MDGA1: variants seen among roughly 807,000 people sequenced by gnomAD.
MDGA1 encodes the protein MAM domain-containing glycosylphosphatidylinositol anchor protein 1.
Under a neutral mutation model 101.5 loss-of-function variants are expected in MDGA1, and 54 were observed. The observed-to-expected ratio is 0.53, with a 90% confidence interval of 0.43 to 0.67. The LOEUF (loss-of-function observed/expected upper bound fraction) is 0.67. Ranked by LOEUF, MDGA1 falls within the 30% of genes least tolerant of loss-of-function variation. The pLI is 0.00. For missense variants in MDGA1, 1,083 were observed against 1,323.8 expected, an observed-to-expected ratio of 0.82 and a Z score of 2.82; for synonymous variants, 533 against 558.3, an observed-to-expected ratio of 0.95 and a Z score of 0.64.
At chr6:37,693,692 G>C (rs897036244) in intron 1 of MDGA1, among the ~76,000 whole-genome samples, 11 of 152,224 alleles carry the variant, frequency 7.2e-5, no homozygotes, top group African/African-American at 2.7e-4. Flanking sequence ...CTTTGCCCCA[G>C]AACTAGGCCA....
chr6:37,655,353 A>T lies in MDGA1; in HGVS notation c.579+347T>A. On this transcript the variant is annotated intron_variant, in intron 4 of 16. Transcript: ENST00000434837. This position sits in a 1 kb window ranked among gnomAD's most constrained non-coding sequence, Gnocchi z 5.1. ...ATCAGGGCCCATGGGAAGAGGAGTC[A>T]TCTCCTCGCCCCCAGATCCTGCTGT... 1 of 330,678 alleles carries T rather than the reference A, an allele frequency of 3.0e-6. No individual in the cohort carries two copies. Among genetic ancestry groups the T allele is most frequent in the Non-Finnish European group, 5.5e-6 (1 of 180,672 alleles). 20.5% of individuals were successfully genotyped at this position (330,678 alleles called of 1,614,324 possible).
intron 1 of MDGA1, among the ~76,000 whole-genome samples, chr6:37,689,684 A>G (rs931408981): frequency 6.6e-6 from 1 of 152,164 alleles, no homozygotes; most frequent in Non-Finnish European, 1.5e-5. Context: ...TCACTTCCCC[A>G]AACCTGTCTG....
intron 1 of MDGA1, among the ~76,000 whole-genome samples, chr6:37,694,270 A>C (rs1762372852): frequency 6.6e-6 from 1 of 152,172 alleles, no homozygotes; most frequent in African/African-American, 2.4e-5. Flanking sequence ...CGCCCTAAGC[A>C]GAGACCCTTA....
At chr6:37,678,032 G>A (rs955695499) in intron 1 of MDGA1, among the ~76,000 whole-genome samples, 1 of 152,174 alleles carries the variant, frequency 6.6e-6, no homozygotes, top group Non-Finnish European at 1.5e-5. Context: ...GGAGACCACA[G>A]GAAAATTAGC....
Position 37,655,109 on chromosome 6 carries a change from A to T in MDGA1, c.580-177T>A, listed in dbSNP as rs1228727602. ...GTCCTGAGCCTGGGGTGGATGCTACACTCTCCATAGCCTTGGCAGTGCCTC... is the reference window on the plus strand; with the variant it reads ...GTCCTGAGCCTGGGGTGGATGCTACTCTCTCCATAGCCTTGGCAGTGCCTC... On this transcript the variant is annotated intron_variant, in intron 4 of 16. Transcript: ENST00000434837. This position sits in a 1 kb window ranked among gnomAD's most constrained non-coding sequence, Gnocchi z 5.1. 1 of 714,404 alleles carries T rather than the reference A, an allele frequency of 1.4e-6. No homozygotes were observed. The highest frequency in any genetic ancestry group is 2.3e-6 in the Non-Finnish European group (1 of 440,284). The allele number at this position is 714,404 out of a possible 1,614,324, so 44.3% of individuals were successfully genotyped here.
In MDGA1 at chr6:37,696,639, A is replaced by G; in HGVS notation, c.67+106T>C. On this transcript the variant is annotated intron_variant, in intron 1 of 16. Coordinates refer to ENST00000434837, the MANE Select transcript of MDGA1 (RefSeq NM_153487.4). This position sits in a 1 kb window ranked among gnomAD's most constrained non-coding sequence, Gnocchi z 5.6. ...GCGGGGACGCGGGCATCCACTCCAG[A>G]GTCCGAGTCGAGGTCTCCACCAAAC... is the stretch of plus-strand genomic sequence containing the variant. The G allele has an allele frequency of 9.1e-7, 1 of 1,097,262 alleles. No homozygotes were observed. The allele number at this position is 1,097,262 out of a possible 1,614,324, so 68.0% of individuals were successfully genotyped here.
chr6:37,654,644 A>G (rs1167089395), intron 5 of MDGA1, 101 bp from the exon 6 acceptor site: 7 of 1,565,406 alleles, frequency 4.5e-6, no homozygotes, highest in Non-Finnish European at 6.1e-6. Flanking sequence ...AGAAGCCCTC[A>G]GGGGAGATGA....
chr6:37,689,972 G>A (rs757651943), intron 1 of MDGA1, among the ~76,000 whole-genome samples: 18 of 152,076 alleles, frequency 1.2e-4, no homozygotes, highest in East Asian at 5.8e-4. Flanking sequence ...TCAAAACCCT[G>A]CCATGGTCCC....
At position 37,635,370 on chromosome 6, in the gene MDGA1, G is replaced by T; in HGVS notation, c.*1998C>A. ...GCTCAGAGGAGGAGCTCACAGTCTA[G>T]TTGGGGCAATGGACTCTGCACAGAT... is the stretch of plus-strand genomic sequence containing the variant. On this transcript the variant is annotated 3_prime_UTR_variant, in exon 17 of 17. Coordinates refer to ENST00000434837, the MANE Select transcript of MDGA1 (RefSeq NM_153487.4). 1 of 398,002 alleles carries T rather than the reference G, an allele frequency of 2.5e-6. No individual in the cohort carries two copies. Among genetic ancestry groups the T allele is most frequent in the East Asian group, 3.6e-5 (1 of 28,082 alleles). The allele number at this position is 398,002 out of a possible 1,614,324, so 24.7% of individuals were successfully genotyped here.
At chr6:37,690,611 T>C (rs978319574) in intron 1 of MDGA1, among the ~76,000 whole-genome samples, 1 of 152,106 alleles carries the variant, frequency 6.6e-6, no homozygotes, top group African/African-American at 2.4e-5. Context: ...ACCCCGTCTC[T>C]ACTAAAAATA....
chr6:37,658,936 A>T (rs1372974955), intron 2 of MDGA1, among the ~76,000 whole-genome samples: 1 of 138,298 alleles, frequency 7.2e-6, no homozygotes, highest in Non-Finnish European at 1.5e-5. Context: ...AGGTCACTGC[A>T]CTCCAGCCTG....
At position 37,654,899 on chromosome 6, in the gene MDGA1, G is replaced by A. The variant is rs778409362; in HGVS notation, c.613C>T (p.Arg205Trp). Residue 205 changes from arginine (R) to tryptophan (W), a missense_variant, in exon 5 of 17, where the codon CGG becomes TGG. Physicochemically the swap from Arg to Trp is moderately radical, Grantham distance 101 (BLOSUM62 -3). Coordinates refer to ENST00000434837, the MANE Select transcript of MDGA1 (RefSeq NM_153487.4). The stretch of plus-strand genomic sequence containing the variant: ...GTGTAGCTGGCATAGTCCTGGGGCC[G>A]CAGGTTCTTCAGCTTCAGGACCTTG... ...ETKVLKLKNL[R>W]PQDYASYTCQ... 3.7e-6 allele frequency: 6 copies of A among 1,613,510 alleles called. No individual in the cohort carries two copies. Among genetic ancestry groups the A allele is most frequent in the South Asian group, 1.1e-5 (1 of 91,066 alleles).
chr6:37,696,840 G>C lies in MDGA1; in HGVS notation c.-29C>G, dbSNP rs1020863288. On this transcript the variant is annotated 5_prime_UTR_variant, in exon 1 of 17. Transcript: ENST00000434837. The surrounding 1 kb of genome is among the most constrained non-coding windows in gnomAD (Gnocchi z 5.6). ...CACGGCCGGTGCTTCATCCCCGCGAGGCGGCGCAGCCCGAGAGGCGGCGGG... is the reference window on the plus strand; with the variant it reads ...CACGGCCGGTGCTTCATCCCCGCGACGCGGCGCAGCCCGAGAGGCGGCGGG... The C allele has an allele frequency of 6.4e-7, 1 of 1,553,598 alleles. No homozygotes were observed. The highest frequency in any genetic ancestry group is 8.7e-7 in the Non-Finnish European group (1 of 1,147,660).
chr6:37,682,471 G>A (rs1385988120), intron 1 of MDGA1, among the ~76,000 whole-genome samples: 1 of 152,180 alleles, frequency 6.6e-6, no homozygotes, highest in East Asian at 1.9e-4. Flanking sequence ...GTGACAGAGA[G>A]AGACTCTGCC....
chr6:37,657,717 C>G (rs1226592106), intron 3 of MDGA1, among the ~76,000 whole-genome samples: 1 of 152,200 alleles, frequency 6.6e-6, no homozygotes. Context: ...ACAGGCTCCT[C>G]GGGCTAAAGG....
rs1392137367 is a variant in MDGA1, at chr6:37,643,854, A to G, written c.2491T>C (p.Phe831Leu). 5.0e-6 allele frequency: 8 copies of G among 1,613,948 alleles called. No individual in the cohort carries two copies. The highest frequency in any genetic ancestry group is 5.9e-6 in the Non-Finnish European group (7 of 1,179,868). Reference sequence around the variant, plus strand: ...TGGTAGAAGAAGGAGACACAGTAGAACTTGGCGCTGGCATTGTAGAGGGGA... The same window carrying G: ...TGGTAGAAGAAGGAGACACAGTAGAGCTTGGCGCTGGCATTGTAGAGGGGA... ...VSPLYNASAKFYCVSFFYHMY... is the reference protein window; with the variant it reads ...VSPLYNASAKLYCVSFFYHMY... The change falls in exon 14 of 17, where the codon TTC (phenylalanine) becomes CTC (leucine). Residue 831 changes from phenylalanine (F) to leucine (L), a missense_variant. By Grantham distance (22) the Phe-to-Leu change is conservative. This residue lies in a region of MDGA1 where 657 missense variants were observed against 771.4 expected (regional missense o/e 0.85). Coordinates refer to ENST00000434837, the MANE Select transcript of MDGA1 (RefSeq NM_153487.4).
At chr6:37,641,007 C>T (rs1300034336) in intron 14 of MDGA1, among the ~76,000 whole-genome samples, 3 of 152,078 alleles carry the variant, frequency 2.0e-5, no homozygotes, top group South Asian at 4.1e-4. Context: ...CTCCACATGC[C>T]GGGAAACTTC....
intron 1 of MDGA1, among the ~76,000 whole-genome samples, chr6:37,682,171 G>A (rs377303573): frequency 7.2e-5 from 11 of 152,204 alleles, no homozygotes; most frequent in South Asian, 4.1e-4. Flanking sequence ...ACCTCTGGCC[G>A]TTGGTTTCTG....
chr6:37,674,541 T>C (rs950754819), intron 1 of MDGA1, among the ~76,000 whole-genome samples: 5 of 152,198 alleles, frequency 3.3e-5, no homozygotes, highest in Admixed American at 2.0e-4. Context: ...TGCGCCCACA[T>C]CCTGGTCTCA....
Sources: allele counts gnomAD v4.1 joint callset (sites outside exome capture counted in the v4.1 genomes callset), GRCh38; gene constraint gnomAD v4.1.1; regional missense constraint gnomAD v4.1.1; non-coding constraint Gnocchi (gnomAD v3.1); transcripts MANE v1.5; gene names NCBI Gene and HGNC (gene_info 2026-07-23, HGNC 2026-07-21).